Variants in TMC7 observed in about 807,000 individuals in gnomAD.
The protein encoded by TMC7 is transmembrane channel like 7.
A neutral mutation model predicts 82.9 loss-of-function variants in TMC7; 54 were observed. The observed-to-expected ratio is 0.65, with a 90% CI of 0.52 to 0.82. TMC7 has a LOEUF of 0.82. Ranked by LOEUF, TMC7 falls within the 40% of genes least tolerant of loss-of-function variation. The pLI, the probability that TMC7 is intolerant of heterozygous loss-of-function variation, is 0.00. For synonymous variants in TMC7, 350 were observed against 337.9 expected (o/e 1.04, Z -0.39); for missense variants, 820 against 901.2 (o/e 0.91, Z 1.15).
At chr16:19,021,607 T>A in intron 3 of TMC7, 22 bp from the exon 4 acceptor site, 4 of 1,613,394 alleles carry the variant, frequency 2.5e-6, no homozygotes, top group Admixed American at 1.7e-5. Flanking sequence ...TGGTCAGTGA[T>A]GTCCGGGTTT....
chr16:19,051,066 A>T (rs1293271456), intron 12 of TMC7, among the ~76,000 whole-genome samples: 2 of 152,090 alleles, frequency 1.3e-5, no homozygotes, highest in Admixed American at 6.6e-5. Flanking sequence ...GCCCCCACTG[A>T]TAGCTATTTA....
rs527628140 is a variant in TMC7, at chr16:19,023,191, G to A, written c.707G>A (p.Gly236Asp). 11 of 1,586,248 alleles carry A rather than the reference G, an allele frequency of 6.9e-6. No homozygotes were observed. Among genetic ancestry groups the A allele is most frequent in the African/African-American group, 1.3e-5 (1 of 74,242 alleles). ...FYSYIIDLLS[G>D]TGFLEETSLF... is the part of the protein sequence containing the mutation. ...AGTTATATCATAGACTTGCTTTCTG[G>A]CACTGTAAGTATTTAACATAATCCT... Residue 236 changes from glycine (G) to aspartate (D), a missense_variant, in exon 5 of 16, where the codon GGC becomes GAC. Physicochemically the swap from Gly to Asp is moderately conservative, Grantham distance 94 (BLOSUM62 -1). Around this residue, in one of 2 missense-constraint regions of TMC7, gnomAD observed 650 missense variants for 669.9 expected, o/e 0.97. Coordinates refer to ENST00000304381, the MANE Select transcript of TMC7 (RefSeq NM_024847.4).
At chr16:18,990,990 T>C (rs1456095270) in intron 1 of TMC7, among the ~76,000 whole-genome samples, 4 of 152,184 alleles carry the variant, frequency 2.6e-5, no homozygotes, top group Non-Finnish European at 5.9e-5. Context: ...CATTCCTGTC[T>C]TCTTATGTTA....
chr16:18,999,420 C>T (rs2039102661), intron 1 of TMC7, among the ~76,000 whole-genome samples: 1 of 152,196 alleles, frequency 6.6e-6, no homozygotes, highest in Non-Finnish European at 1.5e-5. Flanking sequence ...CATGCCCGCA[C>T]CCCTGACTTA....
intron 1 of TMC7, among the ~76,000 whole-genome samples, chr16:19,003,274 G>T (rs1030226471): frequency 1.3e-4 from 20 of 152,204 alleles, no homozygotes; most frequent in Non-Finnish European, 2.6e-4. Flanking sequence ...AGGAATTCAG[G>T]TTACACTCCA....
intron 9 of TMC7, 61 bp from the exon 10 acceptor site, chr16:19,044,823 C>G: frequency 9.1e-7 from 1 of 1,099,122 alleles, no homozygotes; most frequent in Non-Finnish European, 1.4e-6. Context: ...AGCCCCAGTT[C>G]CAAGGGACCA....
At chr16:18,987,458 G>A (rs145685348) in intron 1 of TMC7, among the ~76,000 whole-genome samples, 1,622 of 152,060 alleles carry the variant, frequency 0.011, 30 homozygotes, top group African/African-American at 0.037. Context: ...CTACAGGCAC[G>A]TGCCACCATG....
chr16:19,063,697 T>TGA lies in TMC7; in HGVS notation c.*1855_*1856dup, dbSNP rs1555521075. 1.4e-4 allele frequency: 21 copies of TGA among 151,676 alleles called. No individual in the cohort carries two copies. Among genetic ancestry groups the TGA allele is most frequent in the African/African-American group, 3.4e-4 (14 of 41,454 alleles). The allele number at this position is 151,676 out of a possible 1,614,324, so 9.4% of individuals were successfully genotyped here. On this transcript the variant is annotated 3_prime_UTR_variant, in exon 16 of 16. Transcript: ENST00000304381. ...TTGTGTGTGTGTGTGTGTGTGTGTG[T>TGA]GATGAACACAACGAAAACGTACTGC...
intron 6 of TMC7, among the ~76,000 whole-genome samples, chr16:19,034,047 G>A (rs558806153): frequency 1.3e-5 from 2 of 152,222 alleles, no homozygotes; most frequent in African/African-American, 4.8e-5. Flanking sequence ...TTCCATGAAA[G>A]CATTTGAATG....
At position 19,009,251 on chromosome 16, in the gene TMC7, T is replaced by C; in HGVS notation, c.147T>C (p.Ile49=). ...AAGAATTGCCAAGCTACCGGTCCATTGCACGTAGGAGAACGACTGTCCATT... is the reference window on the plus strand; with the variant it reads ...AAGAATTGCCAAGCTACCGGTCCATCGCACGTAGGAGAACGACTGTCCATT... ...FLQELPSYRS[I]ARRRTTVHSR... is the part of the protein sequence containing the mutation. Residue 49 remains isoleucine, a synonymous_variant, in exon 2 of 16, where the codon ATT becomes ATC. Transcript: ENST00000304381. 6.2e-7 allele frequency: 1 copy of C among 1,614,168 alleles called. No homozygotes were observed. Among genetic ancestry groups the C allele is most frequent in the Non-Finnish European group, 8.5e-7 (1 of 1,180,036 alleles).
intron 2 of TMC7, among the ~76,000 whole-genome samples, chr16:19,015,176 C>G (rs1227443380): frequency 6.6e-6 from 1 of 151,846 alleles, no homozygotes; most frequent in Non-Finnish European, 1.5e-5. Flanking sequence ...GTTGGTCAGG[C>G]TGGTCTTGAA....
chr16:19,003,840 C>T (rs1410013608), intron 1 of TMC7, among the ~76,000 whole-genome samples: 10 of 99,448 alleles, frequency 1.0e-4, no homozygotes, highest in African/African-American at 2.4e-4. Context: ...GCAGCATGCT[C>T]GTTAAGAGTC....
chr16:19,042,557 G>C (rs1051315865), intron 9 of TMC7, among the ~76,000 whole-genome samples: 22 of 150,314 alleles, frequency 1.5e-4, no homozygotes, highest in African/African-American at 4.6e-4. Flanking sequence ...GCCCAGGCTG[G>C]AATGCAGTGG....
intron 14 of TMC7, among the ~76,000 whole-genome samples, chr16:19,058,010 T>A (rs1394286172): frequency 6.6e-6 from 1 of 151,380 alleles, no homozygotes; most frequent in Non-Finnish European, 1.5e-5. Context: ...TGAGCTTAAG[T>A]GGTCCTCCCT....
At chr16:19,035,995 G>A (rs1222858354) in intron 7 of TMC7, among the ~76,000 whole-genome samples, 172 bp downstream of exon 7, 1 of 152,130 alleles carries the variant, frequency 6.6e-6, no homozygotes. Context: ...CACGTTACTG[G>A]GGTTGATTAC....
At chr16:19,039,160 G>A (rs1960896634) in intron 8 of TMC7, among the ~76,000 whole-genome samples, 3 of 144,132 alleles carry the variant, frequency 2.1e-5, no homozygotes, top group Admixed American at 1.4e-4. Flanking sequence ...GCACGATCCC[G>A]GCTCACTGCA....
At chr16:19,009,436 GAACC>G in intron 2 of TMC7, 21 bp downstream of exon 2, 1 of 1,603,904 alleles carries the variant, frequency 6.2e-7, no homozygotes, top group African/African-American at 1.3e-5. Flanking sequence ...TAGCCACCTG[GAACC>G]TGCATTGTGT....
intron 3 of TMC7, among the ~76,000 whole-genome samples, chr16:19,018,402 C>G (rs1178233019): frequency 6.6e-6 from 1 of 152,052 alleles, no homozygotes; most frequent in Non-Finnish European, 1.5e-5. Context: ...TTGCTGTGTT[C>G]ACGTAACCTT....
intron 9 of TMC7, among the ~76,000 whole-genome samples, 197 bp from the exon 10 acceptor site, chr16:19,044,687 C>T (rs575582554): frequency 2.1e-4 from 32 of 150,556 alleles, no homozygotes; most frequent in African/African-American, 4.1e-4. Context: ...CTGTAATCCC[C>T]GCTACTTGGG....
Sources: gnomAD v4.1 joint callset for allele counts (sites outside exome capture counted in the v4.1 genomes callset) on GRCh38, gnomAD v4.1.1 for gene constraint, gnomAD v4.1.1 regional missense constraint, MANE v1.5 for transcripts, NCBI Gene and HGNC (gene_info 2026-07-23, HGNC 2026-07-21) for gene names.